The following NSG2 variants were observed in gnomAD, a reference collection of about 807,000 sequenced individuals.
NSG2 encodes the protein neuronal vesicle trafficking associated 2.
Under a neutral mutation model 16.9 loss-of-function variants are expected in NSG2, and 4 were observed. That is an observed-to-expected ratio of 0.24 (90% CI 0.12 to 0.54). The LOEUF (loss-of-function observed/expected upper bound fraction) is 0.54, where lower values mean the gene tolerates loss of function less well. NSG2 is among the 20% of genes least tolerant of loss of function. NSG2 has a pLI of 0.95. For missense variants in NSG2, 179 were observed against 221.1 expected, an observed-to-expected ratio of 0.81 and a Z score of 1.21; for synonymous variants, 98 against 88.7, an observed-to-expected ratio of 1.11 and a Z score of -0.59.
chr5:174,051,986 G>GT (rs954388330), intron 2 of NSG2, among the ~76,000 whole-genome samples: 2 of 152,158 alleles, frequency 1.3e-5, no homozygotes, highest in South Asian at 2.1e-4. Flanking sequence ...TGGATTGTTT[G>GT]TTTTTTTCAA....
chr5:174,078,697 A>C (rs916923165), intron 3 of NSG2, among the ~76,000 whole-genome samples: 1 of 152,218 alleles, frequency 6.6e-6, no homozygotes, highest in Non-Finnish European at 1.5e-5. Flanking sequence ...TGGAGCTCTC[A>C]TGAATGGGCT....
At chr5:174,082,210 A>G (rs1249463559) in intron 3 of NSG2, 1 of 152,168 alleles carries the variant, frequency 6.6e-6, no homozygotes, top group Non-Finnish European at 1.5e-5. Flanking sequence ...TCAGTCAATA[A>G]GTGTTTACAC....
At chr5:174,097,595 C>CTG (rs572841542) in intron 3 of NSG2, among the ~76,000 whole-genome samples, 1 of 130,510 alleles carries the variant, frequency 7.7e-6, no homozygotes, top group Non-Finnish European at 1.6e-5. Context: ...GTGTGTGTAA[C>CTG]TGTGTGTGTG....
At chr5:174,079,042 T>C (rs1409658651) in intron 3 of NSG2, among the ~76,000 whole-genome samples, 2 of 152,026 alleles carry the variant, frequency 1.3e-5, no homozygotes, top group Non-Finnish European at 2.9e-5. Context: ...TGCCAGAGGG[T>C]ATATACACCT....
chr5:174,051,115 TG>T (rs1759882006), intron 2 of NSG2, among the ~76,000 whole-genome samples: 2 of 152,106 alleles, frequency 1.3e-5, no homozygotes, highest in South Asian at 4.1e-4. Flanking sequence ...TCTCTCTCCC[TG>T]GGGGGCAGTT....
intron 2 of NSG2, among the ~76,000 whole-genome samples, chr5:174,058,560 G>C (rs1473902124): frequency 6.6e-6 from 1 of 152,168 alleles, no homozygotes; most frequent in Non-Finnish European, 1.5e-5. Context: ...AACACTGAGA[G>C]ATCAGAAAGA....
intron 3 of NSG2, chr5:174,082,165 T>A (rs992368730): frequency 6.6e-6 from 1 of 152,196 alleles, no homozygotes; most frequent in African/African-American, 2.4e-5. Flanking sequence ...CTCTTAATTG[T>A]AACTCCCTTC....
chr5:174,100,465 A>G (rs1415451683), intron 3 of NSG2, among the ~76,000 whole-genome samples: 2 of 152,216 alleles, frequency 1.3e-5, no homozygotes, highest in Non-Finnish European at 2.9e-5. Flanking sequence ...CTTCCTGGTT[A>G]CACACGGTAA....
At position 174,107,791 on chromosome 5, in the gene NSG2, G is replaced by A; in HGVS notation, c.*286G>A. 1 of 604,260 alleles carries A rather than the reference G, an allele frequency of 1.7e-6. No individual in the cohort carries two copies. The highest frequency in any genetic ancestry group is 1.9e-5 in the African/African-American group (1 of 53,568). The allele number at this position is 604,260 out of a possible 1,614,324, so 37.4% of individuals were successfully genotyped here. On this transcript the variant is annotated 3_prime_UTR_variant, in exon 5 of 5. Transcript: ENST00000303177. The surrounding 1 kb of genome is among the most constrained non-coding windows in gnomAD (Gnocchi z 4.5). ...CATGTAAGATATTTTTAAAGCCACT[G>A]CTTATTCTTTGTTAGGAAAATGTAA...
At chr5:174,046,311 A>G (rs1416294612) in intron 1 of NSG2, 1 of 162,992 alleles carries the variant, frequency 6.1e-6, no homozygotes, top group East Asian at 1.8e-4. Context: ...AACATAATAG[A>G]ATAGCAACCA....
chr5:174,101,650 A>T (rs1246532200), intron 3 of NSG2, among the ~76,000 whole-genome samples: 1 of 152,218 alleles, frequency 6.6e-6, no homozygotes, highest in Non-Finnish European at 1.5e-5. Context: ...GCTGAATAAC[A>T]TTCCGCTGCA....
Position 174,069,643 on chromosome 5 carries a change from A to G in NSG2, c.213+5328A>G, listed in dbSNP as rs140816490. Among the ~76,000 whole-genome samples the G allele has an allele frequency of 1.7e-3, 262 of 152,172 alleles. 1 individual carries two copies. Among genetic ancestry groups the G allele is most frequent in the African/African-American group, 6.0e-3 (248 of 41,504 alleles). On this transcript the variant is annotated intron_variant, in intron 3 of 4. Coordinates refer to ENST00000303177, the MANE Select transcript of NSG2 (RefSeq NM_015980.5). ...ATCATTTTCTTTCTTTCCTATTTAT[A>G]TCCTTTTTCTTCCTCTTGTGTTCTT...
intron 3 of NSG2, chr5:174,082,698 G>T (rs985562362): frequency 3.3e-5 from 5 of 152,212 alleles, no homozygotes; most frequent in Admixed American, 3.3e-4. Context: ...AAACACAGTT[G>T]GCACCCAGAA....
chr5:174,097,719 GTC>G (rs897235616), intron 3 of NSG2, among the ~76,000 whole-genome samples: 5 of 149,824 alleles, frequency 3.3e-5, no homozygotes, highest in East Asian at 2.0e-4. Context: ...GTGTGTGTTT[GTC>G]TCTGTGTGTG....
intron 3 of NSG2, among the ~76,000 whole-genome samples, chr5:174,095,144 T>C (rs1760776796): frequency 6.6e-6 from 1 of 152,104 alleles, no homozygotes; most frequent in South Asian, 2.1e-4. Flanking sequence ...ACGGCAGTCT[T>C]CCTGAGTGGT....
At position 174,072,081 on chromosome 5, in the gene NSG2, T is replaced by C. The variant is rs1331191789; in HGVS notation, c.213+7766T>C. Among the ~76,000 whole-genome samples the C allele has an allele frequency of 6.6e-6, 1 of 152,180 alleles. No individual in the cohort carries two copies. The highest frequency in any genetic ancestry group is 1.5e-5 in the Non-Finnish European group (1 of 68,018). ...TGCTGGCCGCTGCACCTAGCAGCCA[T>C]AGAGCCAGGCCCCTCTCCCTCTGGA... On this transcript the variant is annotated intron_variant, in intron 3 of 4. Transcript: ENST00000303177. The surrounding 1 kb of genome is among the most constrained non-coding windows in gnomAD (Gnocchi z 4.0).
chr5:174,046,107 A>G (rs1283268324), intron 1 of NSG2: 1 of 151,530 alleles, frequency 6.6e-6, no homozygotes, highest in African/African-American at 2.4e-5. Flanking sequence ...AAAAAAAAAA[A>G]TGGCCCTTCG....
chr5:174,080,113 G>T (rs1760423181), intron 3 of NSG2, among the ~76,000 whole-genome samples: 2 of 151,818 alleles, frequency 1.3e-5, no homozygotes, highest in South Asian at 4.2e-4. Context: ...TTTCCATATG[G>T]GTTTCAGTCT....
chr5:174,078,689 G>A (rs988398193), intron 3 of NSG2, among the ~76,000 whole-genome samples: 3 of 152,166 alleles, frequency 2.0e-5, no homozygotes, highest in African/African-American at 7.2e-5. Flanking sequence ...CACGGGGGTG[G>A]AGCTCTCATG....
Sources: gnomAD v4.1 joint callset for allele counts (sites outside exome capture counted in the v4.1 genomes callset) on GRCh38, gnomAD v4.1.1 for gene constraint, Gnocchi (gnomAD v3.1) non-coding constraint, MANE v1.5 for transcripts, NCBI Gene and HGNC (gene_info 2026-07-23, HGNC 2026-07-21) for gene names.